The following VPS13D variants were observed in gnomAD, a reference collection of about 807,000 sequenced individuals.
The protein encoded by VPS13D is vacuolar protein sorting 13 homolog D.
A neutral mutation model predicts 461.9 loss-of-function variants in VPS13D; 187 were observed. The ratio of observed to expected loss-of-function variants is 0.40; its 90% CI spans 0.36 to 0.46. The LOEUF (loss-of-function observed/expected upper bound fraction) is 0.46, where lower values mean the gene tolerates loss of function less well. VPS13D is among the 20% of genes least tolerant of loss of function. VPS13D has a pLI of 0.60. For missense variants in VPS13D, 4,711 were observed against 5,364.9 expected, an observed-to-expected ratio of 0.88 and a Z score of 3.81; for synonymous variants, 1,951 against 1,986.3, an observed-to-expected ratio of 0.98 and a Z score of 0.47.
intron 18 of VPS13D, 94 bp downstream of exon 18, chr1:12,273,229 A>G: frequency 1.4e-6 from 2 of 1,428,750 alleles, no homozygotes; most frequent in Non-Finnish European, 1.9e-6. Context: ...ATGTTTATGT[A>G]ACATTTTTAT....
chr1:12,506,708 A>G, intron 68 of VPS13D, 145 bp from the exon 69 acceptor site: 1 of 1,098,972 alleles, frequency 9.1e-7, no homozygotes, highest in Non-Finnish European at 1.3e-6. Context: ...CCCACAAGAT[A>G]GAATTTCAGG....
intron 52 of VPS13D, among the ~76,000 whole-genome samples, chr1:12,368,261 A>G (rs973676423): frequency 2.4e-4 from 37 of 152,238 alleles, no homozygotes; most frequent in Admixed American, 6.5e-5. Context: ...TGTTGAGGAA[A>G]TGGGAGAATT....
rs758814601 is a variant in VPS13D, at chr1:12,416,858, A to C, written c.12333+31A>C. 6 of 1,594,394 alleles carry C rather than the reference A, an allele frequency of 3.8e-6. No individual in the cohort carries two copies. The East Asian group carries it at 1.3e-4, about 36-fold the overall frequency. The stretch of plus-strand genomic sequence containing the variant: ...GAAATAGAGGTGAAATTCCATTATA[A>C]TTAACCTCACGAGTCCTCTACAGTA... On this transcript the variant is annotated intron_variant, in intron 65 of 69. Coordinates refer to ENST00000620676, the MANE Select transcript of VPS13D (RefSeq NM_015378.4).
chr1:12,379,269 A>T (rs1644241262), intron 56 of VPS13D, among the ~76,000 whole-genome samples: 1 of 152,166 alleles, frequency 6.6e-6, no homozygotes, highest in East Asian at 1.9e-4. Flanking sequence ...TTAATGTCTT[A>T]CTTTGTGTCC....
At chr1:12,243,664 C>A (rs1640452855) in intron 3 of VPS13D, among the ~76,000 whole-genome samples, 1 of 152,116 alleles carries the variant, frequency 6.6e-6, no homozygotes, top group Non-Finnish European at 1.5e-5. Flanking sequence ...GGAGGCTTGG[C>A]TAGAAATGGA....
chr1:12,276,244 A>G lies in VPS13D; in HGVS notation c.2656A>G (p.Ile886Val), dbSNP rs1569774414. 6.2e-7 allele frequency: 1 copy of G among 1,614,072 alleles called. No individual in the cohort carries two copies. Among genetic ancestry groups the G allele is most frequent in the Non-Finnish European group, 8.5e-7 (1 of 1,180,016 alleles). Residue 886 changes from isoleucine (I) to valine (V), a missense_variant, in exon 19 of 70, where the codon ATT becomes GTT. Around this residue, in one of 3 missense-constraint regions of VPS13D, gnomAD observed 4,411 missense variants for 4,937.8 expected, o/e 0.89. Transcript: ENST00000620676. The surrounding 1 kb of genome is among the most constrained non-coding windows in gnomAD (Gnocchi z 4.5). Reference protein sequence around the residue: ...SGNLPDLKIHINEDKISALKN... With the variant: ...SGNLPDLKIHVNEDKISALKN... ...CAACTTACCAGACTTAAAAATCCAC[A>G]TTAATGAAGATAAAATATCTGCACT...
intron 67 of VPS13D, among the ~76,000 whole-genome samples, chr1:12,481,152 G>T (rs973716719): frequency 6.6e-6 from 1 of 152,132 alleles, no homozygotes; most frequent in Admixed American, 6.5e-5. Flanking sequence ...TGTTGCCTCT[G>T]CATTGGCCGA....
chr1:12,458,742 G>A (rs1232283803), intron 66 of VPS13D, among the ~76,000 whole-genome samples: 1 of 152,160 alleles, frequency 6.6e-6, no homozygotes, highest in Non-Finnish European at 1.5e-5. Flanking sequence ...CTGTCAGAGG[G>A]TAAACATCCT....
intron 38 of VPS13D, among the ~76,000 whole-genome samples, chr1:12,334,197 C>G (rs1437285693): frequency 1.3e-5 from 2 of 152,104 alleles, no homozygotes; most frequent in Admixed American, 1.3e-4. Context: ...TGTTGACCCC[C>G]CAAATTTAAA....
intron 57 of VPS13D, among the ~76,000 whole-genome samples, chr1:12,381,982 CTCT>C (rs1644286852): frequency 2.7e-4 from 33 of 124,092 alleles, no homozygotes; most frequent in Non-Finnish European, 4.4e-4. Context: ...TTCTTTCTTT[CTCT>C]CTCTCTCTCT....
At chr1:12,338,077 A>G in intron 39 of VPS13D, 154 bp from the exon 40 acceptor site, 1 of 612,012 alleles carries the variant, frequency 1.6e-6, no homozygotes, top group Non-Finnish European at 2.9e-6. Context: ...GTACATTCGT[A>G]GTGCTTAGTA....
intron 67 of VPS13D, among the ~76,000 whole-genome samples, chr1:12,487,181 G>A (rs374912646): frequency 7.2e-5 from 11 of 152,114 alleles, no homozygotes; most frequent in African/African-American, 2.4e-4. Context: ...CTTAATTTCC[G>A]TGTCCCTAGC....
At chr1:12,309,809 A>G (rs961144730) in intron 27 of VPS13D, among the ~76,000 whole-genome samples, 7 of 151,298 alleles carry the variant, frequency 4.6e-5, no homozygotes, top group African/African-American at 1.2e-4. Flanking sequence ...TATTATTTGT[A>G]TAGAGCATGA....
At chr1:12,429,557 G>A (rs535763053) in intron 65 of VPS13D, among the ~76,000 whole-genome samples, 1 of 152,334 alleles carries the variant, frequency 6.6e-6, no homozygotes, top group South Asian at 2.1e-4. Flanking sequence ...CTCCCAAAGT[G>A]CTGGCATTAC....
Position 12,510,527 on chromosome 1 carries a change from G to GTGTC in VPS13D, c.*1506_*1507insCTGT, listed in dbSNP as rs1269534868. The GTGTC allele has an allele frequency of 1.7e-5, 2 of 115,382 alleles. No homozygotes were observed. The highest frequency in any genetic ancestry group is 8.7e-5 in the Admixed American group (1 of 11,470). 7.1% of individuals were successfully genotyped at this position (115,382 alleles called of 1,614,324 possible). A position where few individuals can be genotyped will look rare whatever the true frequency, so the allele number is the denominator to read the frequency against. The stretch of plus-strand genomic sequence containing the variant: ...CCACTTCCCCTCTGTGTCTGTGTCT[G>GTGTC]TGTGTGTGTGTGTGTGTGTGTGTGT... On this transcript the variant is annotated 3_prime_UTR_variant, in exon 70 of 70. Coordinates refer to ENST00000620676, the MANE Select transcript of VPS13D (RefSeq NM_015378.4).
intron 64 of VPS13D, 36 bp from the exon 65 acceptor site, chr1:12,416,624 C>A (rs1010635635): frequency 1.3e-6 from 2 of 1,596,582 alleles, no homozygotes; most frequent in Non-Finnish European, 1.7e-6. Flanking sequence ...TAAGTAGATG[C>A]TGATTGGACT....
At chr1:12,487,059 A>G (rs1238260945) in intron 67 of VPS13D, among the ~76,000 whole-genome samples, 5 of 152,112 alleles carry the variant, frequency 3.3e-5, no homozygotes, top group African/African-American at 1.2e-4. Flanking sequence ...GACCCTCCCA[A>G]GAGCCTCAGT....
Position 12,283,756 on chromosome 1 carries a change from G to A in VPS13D, c.5634+20G>A. 1.3e-6 allele frequency: 2 copies of A among 1,573,680 alleles called. No individual in the cohort carries two copies. The highest frequency in any genetic ancestry group is 2.3e-5 in the South Asian group (2 of 86,922). On this transcript the variant is annotated intron_variant, in intron 21 of 69. Transcript: ENST00000620676. Reference sequence around the variant, plus strand: ...CTCAAGGTATCCTCAGTTCCCTTTGGCTCCCTTAAGCTCTAAAAATGGATT... The same window carrying A: ...CTCAAGGTATCCTCAGTTCCCTTTGACTCCCTTAAGCTCTAAAAATGGATT...
chr1:12,335,948 A>G (rs1643440522), intron 39 of VPS13D, 121 bp downstream of exon 39: 16 of 1,440,908 alleles, frequency 1.1e-5, no homozygotes, highest in Admixed American at 3.9e-5. Context: ...AATTCTGACT[A>G]TCTTCTGTAG....
Sources: allele counts gnomAD v4.1 joint callset (sites outside exome capture counted in the v4.1 genomes callset), GRCh38; gene constraint gnomAD v4.1.1; regional missense constraint gnomAD v4.1.1; non-coding constraint Gnocchi (gnomAD v3.1); transcripts MANE v1.5; gene names NCBI Gene and HGNC (gene_info 2026-07-23, HGNC 2026-07-21).